Variants in CORIN observed in about 807,000 individuals in gnomAD.
The protein encoded by CORIN is atrial natriuretic peptide-converting enzyme.
CORIN carries 117 observed loss-of-function variants against 125.3 expected under a neutral mutation model. That is an observed-to-expected ratio of 0.93 (90% confidence interval 0.80 to 1.09). The LOEUF is 1.09. Among genes scored for constraint, CORIN ranks in the 50% least tolerant of loss-of-function variants. The pLI is 0.00. For synonymous variants in CORIN, 450 were observed against 466.4 expected (o/e 0.96, Z 0.45); for missense variants, 1,253 against 1,306.7 (o/e 0.96, Z 0.63).
intron 12 of CORIN, among the ~76,000 whole-genome samples, chr4:47,659,837 G>A (rs1724167238): frequency 6.6e-6 from 1 of 152,050 alleles, no homozygotes; most frequent in Non-Finnish European, 1.5e-5. Context: ...CACAGAAATG[G>A]GAAAAAAGTC....
At chr4:47,651,657 T>C (rs1173480280) in intron 13 of CORIN, among the ~76,000 whole-genome samples, 1 of 152,222 alleles carries the variant, frequency 6.6e-6, no homozygotes, top group Non-Finnish European at 1.5e-5. Flanking sequence ...ACTTTTAACT[T>C]TCCTTAACTA....
rs185019467 is a variant in CORIN at position 47,706,448 on chromosome 4, G to A, written c.800-13365C>T. ...GTCACGCGCTTTCTTCTGAGGGTCC[G>A]CTGCTGGCAGTACCGCCAGCTCTCT... On this transcript the variant is annotated intron_variant, in intron 5 of 21. Coordinates refer to ENST00000273857, the MANE Select transcript of CORIN (RefSeq NM_006587.4). 9 of 1,610,694 alleles carry A rather than the reference G, an allele frequency of 5.6e-6. No individual in the cohort carries two copies. The East Asian group carries it at 6.7e-5, about 12-fold the overall frequency.
At position 47,651,945 on chromosome 4, in the gene CORIN, T is replaced by G. The variant is rs985291798; in HGVS notation, c.1843+1608A>C. ...CTAAGCTTTTGTATTTCTCAAATAT[T>G]TAGTCCCCTACAACAAATTTAGGTC... On this transcript the variant is annotated intron_variant, in intron 13 of 21. Coordinates refer to ENST00000273857, the MANE Select transcript of CORIN (RefSeq NM_006587.4). Among the ~76,000 whole-genome samples the G allele has an allele frequency of 5.9e-5, 9 of 152,316 alleles. No homozygotes were observed. In the East Asian group the frequency reaches 1.7e-3, roughly 29 times the overall value.
intron 5 of CORIN, among the ~76,000 whole-genome samples, chr4:47,697,101 A>T (rs1454038830): frequency 6.6e-6 from 1 of 152,146 alleles, no homozygotes; most frequent in Non-Finnish European, 1.5e-5. Context: ...AAGTACTATA[A>T]ACCACTATTG....
chr4:47,806,791 C>T, intron 2 of CORIN, 112 bp downstream of exon 2: 2 of 1,085,354 alleles, frequency 1.8e-6, no homozygotes, highest in Non-Finnish European at 2.6e-6. Context: ...AAAAGATAAT[C>T]CTCTCATTGA....
At position 47,616,404 on chromosome 4, in the gene CORIN, G is replaced by A. The variant is rs1383121072; in HGVS notation, c.2540+7167C>T. ...TGAGTGAGTGTAGACATACAAGAAA[G>A]CCAAGAATTTGGTCCCTAGGAACTA... On this transcript the variant is annotated intron_variant, in intron 19 of 21. Transcript: ENST00000273857. 2.6e-5 allele frequency among the ~76,000 whole-genome samples: 4 copies of A among 152,126 alleles called. No individual in the cohort carries two copies. The East Asian group carries it at 7.7e-4, about 29-fold the overall frequency.
intron 19 of CORIN, among the ~76,000 whole-genome samples, chr4:47,605,359 A>G (rs1721608944): frequency 6.6e-6 from 1 of 152,178 alleles, no homozygotes; most frequent in Admixed American, 6.5e-5. Context: ...TAGGTCCTCA[A>G]CAAGTACCTA....
chr4:47,731,491 G>C (rs1727869827), intron 5 of CORIN, among the ~76,000 whole-genome samples: 1 of 152,158 alleles, frequency 6.6e-6, no homozygotes, highest in African/African-American at 2.4e-5. Context: ...AAACACAAAG[G>C]AGACTAGACT....
intron 6 of CORIN, among the ~76,000 whole-genome samples, chr4:47,685,951 AG>A (rs1446767088): frequency 2.0e-5 from 3 of 150,446 alleles, no homozygotes; most frequent in African/African-American, 7.4e-5. Context: ...GAAATCAAGC[AG>A]TCAGTGGTTC....
chr4:47,672,268 T>C (rs1024206388), intron 10 of CORIN, among the ~76,000 whole-genome samples: 7 of 152,184 alleles, frequency 4.6e-5, no homozygotes, highest in African/African-American at 1.7e-4. Context: ...CCAAGAGTTA[T>C]CCAGTTGCCT....
At chr4:47,762,715 C>G (rs1729525516) in intron 4 of CORIN, among the ~76,000 whole-genome samples, 2 of 152,160 alleles carry the variant, frequency 1.3e-5, no homozygotes, top group South Asian at 4.1e-4. Context: ...TCTCATCCAC[C>G]ATGCTCACAT....
In CORIN at chr4:47,634,714, A is replaced by T. The variant is rs1722959032; in HGVS notation, c.2198+7206T>A. Among the ~76,000 whole-genome samples, 4 of 152,226 alleles carry T rather than the reference A, an allele frequency of 2.6e-5. No homozygotes were observed. The South Asian group carries it at 8.3e-4, about 32-fold the overall frequency. On this transcript the variant is annotated intron_variant, in intron 16 of 21. Transcript: ENST00000273857. ...AGAAACAAGTATCCCAAAACCAATT[A>T]CTTTGGCCTGGCAGTAAGACACTTT...
intron 1 of CORIN, among the ~76,000 whole-genome samples, chr4:47,822,795 T>A (rs74377163): frequency 6.6e-6 from 1 of 152,112 alleles, no homozygotes; most frequent in South Asian, 2.1e-4. Context: ...CATGTTAATA[T>A]ACCATCTCTT....
intron 5 of CORIN, among the ~76,000 whole-genome samples, chr4:47,708,288 C>T (rs1350442744): frequency 1.3e-5 from 2 of 152,128 alleles, no homozygotes; most frequent in Non-Finnish European, 2.9e-5. Context: ...TAGAGGCATC[C>T]CTCATTTCTT....
At chr4:47,656,581 T>G (rs1723992278) in intron 12 of CORIN, among the ~76,000 whole-genome samples, 1 of 151,954 alleles carries the variant, frequency 6.6e-6, no homozygotes, top group South Asian at 2.1e-4. Context: ...AAATTCAACA[T>G]CCCTTCCTGA....
chr4:47,641,902 A>G lies in CORIN; in HGVS notation c.2198+18T>C. 1 of 1,610,710 alleles carries G rather than the reference A, an allele frequency of 6.2e-7. No homozygotes were observed. Among genetic ancestry groups the G allele is most frequent in the Non-Finnish European group, 8.5e-7 (1 of 1,177,930 alleles). On this transcript the variant is annotated intron_variant, in intron 16 of 21. Coordinates refer to ENST00000273857, the MANE Select transcript of CORIN (RefSeq NM_006587.4). ...GCCTTCTGAGAAATTCATCAGTGCT[A>G]CAAACTACTGACCTTACCCTAAACC...
At chr4:47,776,825 T>C (rs1363032094) in intron 3 of CORIN, among the ~76,000 whole-genome samples, 1 of 152,194 alleles carries the variant, frequency 6.6e-6, no homozygotes, top group Non-Finnish European at 1.5e-5. Flanking sequence ...AGATAATTAT[T>C]AAATTTTAAA....
chr4:47,605,686 C>T (rs1201352187), intron 19 of CORIN, among the ~76,000 whole-genome samples: 1 of 152,070 alleles, frequency 6.6e-6, no homozygotes, highest in East Asian at 1.9e-4. Flanking sequence ...AACACTGAAT[C>T]CTCTGGGAGC....
chr4:47,602,581 T>C (rs756610420), intron 20 of CORIN, among the ~76,000 whole-genome samples: 4 of 152,134 alleles, frequency 2.6e-5, no homozygotes, highest in Admixed American at 6.5e-5. Context: ...GTCTCTATCA[T>C]TGGGCTATCT....
Sources: gnomAD v4.1 joint callset for allele counts (sites outside exome capture counted in the v4.1 genomes callset) on GRCh38, gnomAD v4.1.1 for gene constraint, MANE v1.5 for transcripts, NCBI Gene and HGNC (gene_info 2026-07-23, HGNC 2026-07-21) for gene names.